B3GLCT: variants seen among roughly 807,000 people sequenced by gnomAD.
B3GLCT encodes beta-1,3-glucosyltransferase.
In B3GLCT, 65 loss-of-function variants were observed where a neutral mutation model predicts 63.4. That is an observed-to-expected ratio of 1.03 (90% CI 0.84 to 1.26). B3GLCT has a LOEUF of 1.26. Ranked by LOEUF, B3GLCT falls within the 50% of genes most tolerant of loss-of-function variation. The pLI is 0.00. For missense variants in B3GLCT, 577 were observed against 604.8 expected, an observed-to-expected ratio of 0.95 and a Z score of 0.48; for synonymous variants, 233 against 219.2, an observed-to-expected ratio of 1.06 and a Z score of -0.55.
chr13:31,228,620 G>A (rs1450345689), intron 3 of B3GLCT, among the ~76,000 whole-genome samples: 4 of 152,166 alleles, frequency 2.6e-5, no homozygotes, highest in Non-Finnish European at 5.9e-5. Context: ...TCATTTATGT[G>A]TCCAAATTTC....
chr13:31,234,084 C>G lies in B3GLCT; in HGVS notation c.270+4790C>G, dbSNP rs189106820. ...CCAGGCTGGAGTGCAGTGGCGTCAT[C>G]TCAGCTCACTGCAAGCTCCGCCTCC... On this transcript the variant is annotated intron_variant, in intron 4 of 14. Coordinates refer to ENST00000343307, the MANE Select transcript of B3GLCT (RefSeq NM_194318.4). Among the ~76,000 whole-genome samples, 623 of 151,658 alleles carry G rather than the reference C, an allele frequency of 4.1e-3. 7 individuals are homozygous for G. Among genetic ancestry groups the G allele is most frequent in the South Asian group, 0.031 (147 of 4,792 alleles).
At chr13:31,269,161 CT>C (rs1872467972) in intron 7 of B3GLCT, 52 bp from the exon 8 acceptor site, 2 of 1,230,424 alleles carry the variant, frequency 1.6e-6, no homozygotes, top group Non-Finnish European at 2.4e-6. Context: ...ATGTGTTAGT[CT>C]TGCTTGACAC....
At chr13:31,248,955 G>A (rs979293132) in intron 6 of B3GLCT, among the ~76,000 whole-genome samples, 3 of 152,200 alleles carry the variant, frequency 2.0e-5, no homozygotes, top group African/African-American at 7.2e-5. Flanking sequence ...TCTTTCAGAG[G>A]AAAGAAGCCC....
chr13:31,276,922 A>G lies in B3GLCT; in HGVS notation c.850+151A>G, dbSNP rs1409373. On this transcript the variant is annotated intron_variant, in intron 10 of 14. Coordinates refer to ENST00000343307, the MANE Select transcript of B3GLCT (RefSeq NM_194318.4). ...AGCAGTTATTTAATCAATACTCCTC[A>G]TTGCACCATTTCAATCACCAAGATC... is the stretch of plus-strand genomic sequence containing the variant. 0.92 allele frequency: 625,138 copies of G among 676,154 alleles called. 289,848 individuals are homozygous for G. The highest frequency in any genetic ancestry group is 1 in the East Asian group (36,263 of 36,316). The allele number at this position is 676,154 out of a possible 1,614,324, so 41.9% of individuals were successfully genotyped here. A position where few individuals can be genotyped will look rare whatever the true frequency, so the allele number is the denominator to read the frequency against.
At chr13:31,269,119 T>C (rs948272508) in intron 7 of B3GLCT, 95 bp from the exon 8 acceptor site, 2 of 848,426 alleles carry the variant, frequency 2.4e-6, no homozygotes, top group Admixed American at 1.9e-5. Context: ...TCTGTATGTT[T>C]ATCTGTTTTC....
chr13:31,229,820 TG>T (rs200198353), intron 4 of B3GLCT, among the ~76,000 whole-genome samples: 2,035 of 128,824 alleles, frequency 0.016, 23 homozygotes, highest in Middle Eastern at 0.02. Flanking sequence ...AATTTTTTTT[TG>T]TGTGTGTGTA....
At chr13:31,323,396 T>C (rs1012470987) in intron 13 of B3GLCT, among the ~76,000 whole-genome samples, 1 of 152,210 alleles carries the variant, frequency 6.6e-6, no homozygotes, top group Non-Finnish European at 1.5e-5. Context: ...AAGAAAGTCT[T>C]TGATGATTGA....
intron 7 of B3GLCT, among the ~76,000 whole-genome samples, chr13:31,266,152 C>T (rs911425187): frequency 3.3e-5 from 5 of 152,122 alleles, no homozygotes; most frequent in Admixed American, 6.5e-5. Context: ...TGCCCGCCAC[C>T]ACACCCGCCT....
intron 13 of B3GLCT, among the ~76,000 whole-genome samples, chr13:31,319,039 TC>T (rs1271873997): frequency 2.0e-5 from 3 of 152,188 alleles, no homozygotes; most frequent in African/African-American, 7.2e-5. Context: ...GGTTGTTTAT[TC>T]GTTCAACTGG....
intron 8 of B3GLCT, among the ~76,000 whole-genome samples, chr13:31,272,109 C>G (rs1335551869): frequency 1.3e-5 from 2 of 151,870 alleles, no homozygotes; most frequent in Non-Finnish European, 2.9e-5. Flanking sequence ...GTTTGAAAAT[C>G]TTTATCTTTA....
At position 31,242,423 on chromosome 13, in the gene B3GLCT, G is replaced by A. The variant is rs566626873; in HGVS notation, c.271-4600G>A. On this transcript the variant is annotated intron_variant, in intron 4 of 14. Transcript: ENST00000343307. ...TTACTGTATTCCTAGAACAGTACCT[G>A]GTACATAGTAGTTGCTAAAAATTAT... is the stretch of plus-strand genomic sequence containing the variant. Among the ~76,000 whole-genome samples the A allele has an allele frequency of 3.3e-5, 5 of 152,270 alleles. No individual in the cohort carries two copies. The South Asian group carries it at 1.0e-3, about 32-fold the overall frequency.
intron 9 of B3GLCT, 44 bp from the exon 10 acceptor site, chr13:31,276,658 C>T (rs759565970): frequency 4.9e-5 from 62 of 1,270,996 alleles, no homozygotes; most frequent in Non-Finnish European, 5.5e-5. Context: ...GTGAAGTTAA[C>T]GCTGACTCAC....
chr13:31,313,394 A>G (rs1464760995), intron 12 of B3GLCT, among the ~76,000 whole-genome samples: 1 of 152,248 alleles, frequency 6.6e-6, no homozygotes, highest in Non-Finnish European at 1.5e-5. Flanking sequence ...ACAATAAACT[A>G]CAGGTTGAGG....
At position 31,268,354 on chromosome 13, in the gene B3GLCT, T is replaced by C. The variant is rs151261897; in HGVS notation, c.597-860T>C. 7.9e-4 allele frequency among the ~76,000 whole-genome samples: 121 copies of C among 152,304 alleles called. 1 individual carries two copies. The highest frequency in any genetic ancestry group is 2.8e-3 in the African/African-American group (116 of 41,570). ...GGAGTTCACTGAGTGCTCACTGTGG[T>C]CAGGTGCGGTGGGCAGTGCTGGCAA... On this transcript the variant is annotated intron_variant, in intron 7 of 14. Transcript: ENST00000343307.
At chr13:31,208,874 CTTCAG>C (rs1869118756) in intron 1 of B3GLCT, among the ~76,000 whole-genome samples, 1 of 152,020 alleles carries the variant, frequency 6.6e-6, no homozygotes, top group Non-Finnish European at 1.5e-5. Context: ...CCCCTGGTAC[CTTCAG>C]CCTCATTTCT....
chr13:31,302,334 C>T (rs954987295), intron 12 of B3GLCT, among the ~76,000 whole-genome samples: 4 of 151,966 alleles, frequency 2.6e-5, no homozygotes, highest in African/African-American at 7.3e-5. Flanking sequence ...CCAAGATGGC[C>T]GAATAGGAAC....
At chr13:31,240,029 G>A (rs1446222482) in intron 4 of B3GLCT, among the ~76,000 whole-genome samples, 1 of 152,108 alleles carries the variant, frequency 6.6e-6, no homozygotes, top group Non-Finnish European at 1.5e-5. Context: ...AATATTTGGG[G>A]AGAGGGGTAG....
At chr13:31,200,461 C>T (rs939367601) in intron 1 of B3GLCT, among the ~76,000 whole-genome samples, 11 of 149,784 alleles carry the variant, frequency 7.3e-5, no homozygotes, top group Admixed American at 1.3e-4. Context: ...CGGCGGGCGA[C>T]GGGGCGGCGA....
At chr13:31,295,275 G>A (rs1484914084) in intron 12 of B3GLCT, among the ~76,000 whole-genome samples, 1 of 152,206 alleles carries the variant, frequency 6.6e-6, no homozygotes, top group Non-Finnish European at 1.5e-5. Context: ...GTGTCTCCCA[G>A]TCAGGAGGCA....
Sources: allele counts gnomAD v4.1 joint callset (sites outside exome capture counted in the v4.1 genomes callset), GRCh38; gene constraint gnomAD v4.1.1; transcripts MANE v1.5; gene names NCBI Gene and HGNC (gene_info 2026-07-23, HGNC 2026-07-21).